ZNF862: variants seen among roughly 807,000 people sequenced by gnomAD.
ZNF862 encodes the protein zinc finger protein 862.
In ZNF862, 64 loss-of-function variants were observed where a neutral mutation model predicts 91.1. That is an observed-to-expected ratio of 0.70 (90% CI 0.57 to 0.87). ZNF862 has a LOEUF of 0.87. Ranked by LOEUF, ZNF862 falls within the 40% of genes least tolerant of loss-of-function variation. The probability of loss-of-function intolerance (pLI) is 0.00; values close to 1 mark genes in which losing one functional copy is unlikely to be tolerated. For missense variants in ZNF862, 1,459 were observed against 1,528.0 expected (o/e 0.95, Z 0.75); for synonymous variants, 631 against 618.1 (o/e 1.02, Z -0.31).
intron 1 of ZNF862, among the ~76,000 whole-genome samples, chr7:149,839,998 G>A (rs1248305110): frequency 6.6e-6 from 1 of 151,996 alleles, no homozygotes; most frequent in Non-Finnish European, 1.5e-5. Flanking sequence ...CCTTTAACGG[G>A]AGAAGAGAAA....
In ZNF862 at chr7:149,846,166, A is replaced by G. The variant is rs770013763; in HGVS notation, c.152A>G (p.Asn51Ser). 1.4e-5 allele frequency: 22 copies of G among 1,613,054 alleles called. No homozygotes were observed. The highest frequency in any genetic ancestry group is 1.7e-5 in the Non-Finnish European group (20 of 1,179,684). ...TTGGACTCAGGACCAACTGTTGCCA[A>G]TCCTGAGCTGTTCCGCAAGTTCGGA... is the stretch of plus-strand genomic sequence containing the variant. Reference protein sequence around the residue: ...LVAPLGPTVANPELFRKFGRG... With the variant: ...LVAPLGPTVASPELFRKFGRG... Residue 51 changes from asparagine (N) to serine (S), a missense_variant, in exon 3 of 8, where the codon AAT (asparagine) becomes AGT (serine). Asn to Ser is a conservative substitution (Grantham distance 46, BLOSUM62 1). Coordinates refer to ENST00000223210, the MANE Select transcript of ZNF862 (RefSeq NM_001099220.3).
At position 149,847,918 on chromosome 7, in the gene ZNF862, C is replaced by T. The variant is rs764350180; in HGVS notation, c.425C>T (p.Ser142Leu). ...CTGAAGCCCCGGTCCATCCAGAAGT[C>T]GTGGTTTGTGCAGTTTCCGTGGCTG... ...KLLKPRSIQK[S>L]WFVQFPWLIM... Residue 142 changes from serine to leucine, a missense_variant, in exon 4 of 8, where the codon TCG (serine) becomes TTG (leucine). Coordinates refer to ENST00000223210, the MANE Select transcript of ZNF862 (RefSeq NM_001099220.3). 1.1e-5 allele frequency: 18 copies of T among 1,606,504 alleles called. No individual in the cohort carries two copies. The highest frequency in any genetic ancestry group is 6.8e-5 in the Admixed American group (4 of 58,646).
chr7:149,840,881 C>G, intron 1 of ZNF862: 1 of 942,856 alleles, frequency 1.1e-6, no homozygotes, highest in Non-Finnish European at 1.3e-6. Flanking sequence ...GGACACATTT[C>G]CTAGAACTTA....
At chr7:149,847,608 T>C in intron 3 of ZNF862, 127 bp from the exon 4 acceptor site, 1 of 611,732 alleles carries the variant, frequency 1.6e-6, no homozygotes, top group Non-Finnish European at 2.8e-6. Flanking sequence ...TGTGTGTGTG[T>C]GTGTGTGTGT....
intron 1 of ZNF862, chr7:149,841,199 A>G: frequency 1.0e-6 from 1 of 985,450 alleles, no homozygotes; most frequent in African/African-American, 1.7e-5. Context: ...TCCACTCCGA[A>G]CAGCATTCTT....
chr7:149,841,535 C>A (rs1215164164), intron 1 of ZNF862: 1 of 985,042 alleles, frequency 1.0e-6, no homozygotes, highest in African/African-American at 1.7e-5. Flanking sequence ...TGGAGCAGTT[C>A]CTGGCATTTA....
intron 7 of ZNF862, among the ~76,000 whole-genome samples, chr7:149,863,073 C>T (rs1377215908): frequency 2.6e-5 from 4 of 152,182 alleles, no homozygotes; most frequent in South Asian, 2.1e-4. Context: ...AGAAATCTCA[C>T]GGGGCAGGGG....
In ZNF862 at chr7:149,866,438, T is replaced by C. The variant is rs925108561; in HGVS notation, c.*2154T>C. 3.9e-5 allele frequency: 6 copies of C among 152,254 alleles called. No homozygotes were observed. Among genetic ancestry groups the C allele is most frequent in the African/African-American group, 1.4e-4 (6 of 41,452 alleles). The allele number at this position is 152,254 out of a possible 1,614,324, so 9.4% of individuals were successfully genotyped here. The stretch of plus-strand genomic sequence containing the variant: ...CCACAGGGATTCCACATCAAGGTGC[T>C]GTTCCAGCACACATGCTTCCTGCGG... On this transcript the variant is annotated 3_prime_UTR_variant, in exon 8 of 8. Coordinates refer to ENST00000223210, the MANE Select transcript of ZNF862 (RefSeq NM_001099220.3).
At chr7:149,859,751 G>A in intron 6 of ZNF862, 1 of 522,284 alleles carries the variant, frequency 1.9e-6, no homozygotes, top group South Asian at 2.5e-5. Context: ...GTAAGCAGAA[G>A]TACTGATGGA....
intron 5 of ZNF862, among the ~76,000 whole-genome samples, chr7:149,852,325 G>T (rs1037877699): frequency 1.3e-5 from 2 of 148,616 alleles, no homozygotes; most frequent in Non-Finnish European, 3.0e-5. Context: ...ACTTCTTGGG[G>T]TGAACTCAGT....
At chr7:149,853,709 A>C (rs1402959847) in intron 5 of ZNF862, among the ~76,000 whole-genome samples, 1 of 152,138 alleles carries the variant, frequency 6.6e-6, no homozygotes, top group Non-Finnish European at 1.5e-5. Flanking sequence ...AGACTGAGGC[A>C]GGTGGATCAC....
At chr7:149,854,614 T>G (rs188775552) in intron 5 of ZNF862, among the ~76,000 whole-genome samples, 103 of 152,306 alleles carry the variant, frequency 6.8e-4, no homozygotes, top group African/African-American at 2.4e-3. Context: ...GTTCTCTGCT[T>G]AGAGTCTTAG....
At chr7:149,840,187 TAAAAA>T (rs60721842) in intron 1 of ZNF862, among the ~76,000 whole-genome samples, 2,035 of 41,444 alleles carry the variant, frequency 0.049, 61 homozygotes, top group African/African-American at 0.14. Flanking sequence ...GCTTAAAAAG[TAAAAA>T]AAAAAAAAAA....
chr7:149,859,655 C>T, intron 6 of ZNF862, 129 bp downstream of exon 6: 1 of 723,842 alleles, frequency 1.4e-6, no homozygotes. Flanking sequence ...TGGCAGGAGG[C>T]CCTGGGTAGA....
In ZNF862 at chr7:149,859,435, C is replaced by T; in HGVS notation, c.1131C>T (p.Ala377=). 1 of 1,580,452 alleles carries T rather than the reference C, an allele frequency of 6.3e-7. No homozygotes were observed. The highest frequency in any genetic ancestry group is 8.6e-7 in the Non-Finnish European group (1 of 1,162,496). The change falls in exon 6 of 8, where the codon GCC becomes GCT. Residue 377 remains alanine, a synonymous_variant. Coordinates refer to ENST00000223210, the MANE Select transcript of ZNF862 (RefSeq NM_001099220.3). ...ELLASLGPAA[A]KPDLISKLER... ...TCCTTACAACAGGACCTGCCGCTGCCAAGCCAGACTTGATCTCCAAACTGG... is the reference window on the plus strand; with the variant it reads ...TCCTTACAACAGGACCTGCCGCTGCTAAGCCAGACTTGATCTCCAAACTGG...
At chr7:149,859,394 T>A in intron 5 of ZNF862, 28 bp from the exon 6 acceptor site, 1 of 1,544,944 alleles carries the variant, frequency 6.5e-7, no homozygotes, top group Non-Finnish European at 8.8e-7. Context: ...AGCAGTGACA[T>A]CAGCATGATT....
intron 6 of ZNF862, 197 bp downstream of exon 6, chr7:149,859,723 G>GA (rs1007325621): frequency 2.2e-5 from 12 of 552,430 alleles, no homozygotes; most frequent in Non-Finnish European, 2.9e-5. Context: ...GGGAAACAGG[G>GA]AAAAAACAGG....
chr7:149,862,852 G>T (rs1802567327), intron 7 of ZNF862, among the ~76,000 whole-genome samples: 1 of 152,238 alleles, frequency 6.6e-6, no homozygotes, highest in African/African-American at 2.4e-5. Context: ...AAAACACTCA[G>T]GACAATGCCT....
At chr7:149,857,155 C>G (rs1802290759) in intron 5 of ZNF862, among the ~76,000 whole-genome samples, 2 of 151,972 alleles carry the variant, frequency 1.3e-5, no homozygotes, top group African/African-American at 2.4e-5. Flanking sequence ...CTGGTGTTTC[C>G]CTTCCATGTG....
Sources: gnomAD v4.1 joint callset for allele counts (sites outside exome capture counted in the v4.1 genomes callset) on GRCh38, gnomAD v4.1.1 for gene constraint, MANE v1.5 for transcripts, NCBI Gene and HGNC (gene_info 2026-07-23, HGNC 2026-07-21) for gene names.